The following PTPN23 variants were observed in gnomAD, a reference collection of about 807,000 sequenced individuals.
PTPN23 encodes the protein protein tyrosine phosphatase non-receptor type 23, also known as tyrosine-protein phosphatase non-receptor type 23.
Under a neutral mutation model 156.3 loss-of-function variants are expected in PTPN23, and 72 were observed. That is an observed-to-expected ratio of 0.46 (90% confidence interval 0.38 to 0.56). The LOEUF (loss-of-function observed/expected upper bound fraction) is 0.56, where lower values mean the gene tolerates loss of function less well. Among genes scored for constraint, PTPN23 ranks in the 20% least tolerant of loss-of-function variants. The probability of loss-of-function intolerance (pLI) is 0.00; values close to 1 mark genes in which losing one functional copy is unlikely to be tolerated. For synonymous variants in PTPN23, 957 were observed against 899.6 expected (o/e 1.06, Z -1.14); for missense variants, 1,974 against 2,171.5 (o/e 0.91, Z 1.81).
rs1470834078 is a variant in PTPN23 at position 47,410,713 on chromosome 3, C to G, written c.2915C>G (p.Pro972Arg). Residue 972 changes from proline (P) to arginine (R), a missense_variant, in exon 20 of 25, where the codon CCA (proline) becomes CGA (arginine). Coordinates refer to ENST00000265562, the MANE Select transcript of PTPN23 (RefSeq NM_015466.4). ...HPSQAFGPQP[P>R]QQPLPLQHPH... is the part of the protein sequence containing the mutation. ...TCACAAGCGTTTGGGCCTCAGCCCC[C>G]ACAGCAGCCCCTTCCACTCCAGCAT... 3.1e-6 allele frequency: 5 copies of G among 1,590,500 alleles called. No individual in the cohort carries two copies. The highest frequency in any genetic ancestry group is 4.3e-6 in the Non-Finnish European group (5 of 1,168,920).
intron 2 of PTPN23, among the ~76,000 whole-genome samples, chr3:47,400,784 G>A (rs1324934770): frequency 6.6e-6 from 1 of 152,180 alleles, no homozygotes; most frequent in Non-Finnish European, 1.5e-5. Flanking sequence ...ATGTTGGCCA[G>A]ACTGGTCTCA....
chr3:47,406,915 C>T lies in PTPN23; in HGVS notation c.807+165C>T, dbSNP rs774258002. Among the ~76,000 whole-genome samples, 6 of 152,144 alleles carry T rather than the reference C, an allele frequency of 3.9e-5. No homozygotes were observed. Among genetic ancestry groups the T allele is most frequent in the Non-Finnish European group, 7.4e-5 (5 of 68,020 alleles). On this transcript the variant is annotated intron_variant, in intron 9 of 24. Coordinates refer to ENST00000265562, the MANE Select transcript of PTPN23 (RefSeq NM_015466.4). This position sits in a 1 kb window ranked among gnomAD's most constrained non-coding sequence, Gnocchi z 5.8. ...AGTGTTGTCCCATCTGTGCAGCCCT[C>T]GTCCCTCGGGGTCTGAGGAGGTGGG...
At chr3:47,402,265 TTATC>T (rs1361074291) in intron 2 of PTPN23, among the ~76,000 whole-genome samples, 1 of 152,000 alleles carries the variant, frequency 6.6e-6, no homozygotes, top group Non-Finnish European at 1.5e-5. Context: ...GTATACATAT[TTATC>T]TATTTATTTA....
At position 47,410,717 on chromosome 3, in the gene PTPN23, G is replaced by A; in HGVS notation, c.2919G>A (p.Gln973=). Residue 973 remains glutamine, a synonymous_variant, in exon 20 of 25, where the codon CAG becomes CAA. Transcript: ENST00000265562. ...PSQAFGPQPP[Q]QPLPLQHPHL... is the part of the protein sequence containing the mutation. ...AAGCGTTTGGGCCTCAGCCCCCACA[G>A]CAGCCCCTTCCACTCCAGCATCCAC... 1.3e-6 allele frequency: 2 copies of A among 1,580,178 alleles called. No homozygotes were observed. Among genetic ancestry groups the A allele is most frequent in the Non-Finnish European group, 1.7e-6 (2 of 1,165,922 alleles).
rs1363741964 is a variant in PTPN23 at position 47,404,701 on chromosome 3, A to G, written c.209A>G (p.Lys70Arg). 1 of 1,613,964 alleles carries G rather than the reference A, an allele frequency of 6.2e-7. No homozygotes were observed. The highest frequency in any genetic ancestry group is 1.1e-5 in the South Asian group (1 of 91,078). The change falls in exon 3 of 25, where the codon AAG (lysine) becomes AGG (arginine). Residue 70 changes from lysine to arginine, a missense_variant. By Grantham distance (26) the Lys-to-Arg change is conservative. Coordinates refer to ENST00000265562, the MANE Select transcript of PTPN23 (RefSeq NM_015466.4). ...TTTGAGGGCTGTAGTGTCCTCCGCA[A>G]GTACCTCGGCCAGCTTCATTACCTG... ...RDFEGCSVLR[K>R]YLGQLHYLQS...
Position 47,412,960 on chromosome 3 carries a change from G to GCCAGTGCCTGAAGCCC in PTPN23, c.4691_4706dup (p.Ser1570AlafsTer2). 1 of 1,531,204 alleles carries GCCAGTGCCTGAAGCCC rather than the reference G, an allele frequency of 6.5e-7. No individual in the cohort carries two copies. The highest frequency in any genetic ancestry group is 8.8e-7 in the Non-Finnish European group (1 of 1,135,184). 94.9% of individuals were successfully genotyped at this position (1,531,204 alleles called of 1,614,324 possible). A position where few individuals can be genotyped will look rare whatever the true frequency, so the allele number is the denominator to read the frequency against. ...AGGCTCCCCAGCCTAAGGAGGAGCC[G>GCCAGTGCCTGAAGCCC]CCAGTGCCTGAAGCCCCCAGCTCGG... is the stretch of plus-strand genomic sequence containing the variant. On this transcript the variant is annotated frameshift_variant, in exon 25 of 25. Coordinates refer to ENST00000265562, the MANE Select transcript of PTPN23 (RefSeq NM_015466.4). LOFTEE classifies it high-confidence loss of function.
Position 47,405,437 on chromosome 3 carries a change from T to C in PTPN23, c.365-312T>C. ...GGCTGGCCTCAGCTTACCCTGCTAG[T>C]CAGCCTTAGCCTGGCTCAAGGGAGA... On this transcript the variant is annotated intron_variant, in intron 4 of 24. Coordinates refer to ENST00000265562, the MANE Select transcript of PTPN23 (RefSeq NM_015466.4). The surrounding 1 kb of genome is among the most constrained non-coding windows in gnomAD (Gnocchi z 4.7). 1 of 535,254 alleles carries C rather than the reference T, an allele frequency of 1.9e-6. No individual in the cohort carries two copies. Among genetic ancestry groups the C allele is most frequent in the Non-Finnish European group, 3.4e-6 (1 of 298,150 alleles). 33.2% of individuals were successfully genotyped at this position (535,254 alleles called of 1,614,324 possible).
intron 2 of PTPN23, among the ~76,000 whole-genome samples, chr3:47,403,676 C>T (rs1705053010): frequency 6.6e-6 from 1 of 152,032 alleles, no homozygotes; most frequent in African/African-American, 2.4e-5. Context: ...CCAAAGGCAC[C>T]ATCACGCCTA....
chr3:47,397,733 G>A (rs1022402930), intron 2 of PTPN23, among the ~76,000 whole-genome samples: 2 of 152,118 alleles, frequency 1.3e-5, no homozygotes, highest in South Asian at 2.1e-4. Flanking sequence ...GCAATGGCGC[G>A]ATCTCAGCTC....
chr3:47,407,672 A>G lies in PTPN23; in HGVS notation c.1004-25A>G. On this transcript the variant is annotated intron_variant, in intron 12 of 24. Transcript: ENST00000265562. This position sits in a 1 kb window ranked among gnomAD's most constrained non-coding sequence, Gnocchi z 4.0. The stretch of plus-strand genomic sequence containing the variant: ...GCCTCAAGGACTCTGCGTGGGCCTG[A>G]TCTCCACAATTCCCACCCCCCCAGG... 1 of 1,609,880 alleles carries G rather than the reference A, an allele frequency of 6.2e-7. No individual in the cohort carries two copies. The highest frequency in any genetic ancestry group is 8.5e-7 in the Non-Finnish European group (1 of 1,176,414).
chr3:47,390,164 G>A (rs1704742085), intron 1 of PTPN23, among the ~76,000 whole-genome samples: 1 of 151,986 alleles, frequency 6.6e-6, no homozygotes, highest in Non-Finnish European at 1.5e-5. Context: ...ATCACTTGGA[G>A]TTTGAAGCTT....
chr3:47,410,188 C>T lies in PTPN23; in HGVS notation c.2390C>T (p.Ser797Leu), dbSNP rs137987776. 2.5e-5 allele frequency: 40 copies of T among 1,603,652 alleles called. No homozygotes were observed. The East Asian group carries it at 2.7e-4, about 11-fold the overall frequency. Residue 797 changes from serine (S) to leucine (L), a missense_variant, in exon 20 of 25, where the codon TCG (serine) becomes TTG (leucine). By Grantham distance (145) the Ser-to-Leu change is moderately radical. This residue lies in a region of PTPN23 where 731 missense variants were observed against 669.1 expected (regional missense o/e 1.09). Transcript: ENST00000265562. The stretch of plus-strand genomic sequence containing the variant: ...GGCCCCTTGCCCCCTGGTACCTACT[C>T]GGGCCCCACCCAGCTGATACAGCCC... ...LSGPLPPGTY[S>L]GPTQLIQPRA...
At position 47,410,718 on chromosome 3, in the gene PTPN23, C is replaced by A; in HGVS notation, c.2920C>A (p.Gln974Lys). 1 of 1,584,882 alleles carries A rather than the reference C, an allele frequency of 6.3e-7. No individual in the cohort carries two copies. The highest frequency in any genetic ancestry group is 8.6e-7 in the Non-Finnish European group (1 of 1,165,970). Reference protein sequence around the residue: ...SQAFGPQPPQQPLPLQHPHLF... With the variant: ...SQAFGPQPPQKPLPLQHPHLF... ...AGCGTTTGGGCCTCAGCCCCCACAG[C>A]AGCCCCTTCCACTCCAGCATCCACA... The change falls in exon 20 of 25, where the codon CAG (glutamine) becomes AAG (lysine). Residue 974 changes from glutamine to lysine, a missense_variant. Coordinates refer to ENST00000265562, the MANE Select transcript of PTPN23 (RefSeq NM_015466.4).
chr3:47,396,237 T>G lies in PTPN23; in HGVS notation c.159+20T>G. On this transcript the variant is annotated intron_variant, in intron 2 of 24. Coordinates refer to ENST00000265562, the MANE Select transcript of PTPN23 (RefSeq NM_015466.4). ...AGACAGGTAGGAGGATAGTATTATC[T>G]TTTTATGCATGGGTAGACAGGATTG... 1 of 1,585,060 alleles carries G rather than the reference T, an allele frequency of 6.3e-7. No homozygotes were observed. Among genetic ancestry groups the G allele is most frequent in the Non-Finnish European group, 8.7e-7 (1 of 1,156,020 alleles).
chr3:47,404,076 A>G (rs1705062332), intron 2 of PTPN23, among the ~76,000 whole-genome samples: 1 of 152,166 alleles, frequency 6.6e-6, no homozygotes, highest in Non-Finnish European at 1.5e-5. Flanking sequence ...ATTAAATTCA[A>G]AAAACTGTGG....
Position 47,409,531 on chromosome 3 carries a change from G to A in PTPN23, c.1912G>A (p.Ala638Thr), listed in dbSNP as rs749720447. The change falls in exon 18 of 25, where the codon GCA becomes ACA. Residue 638 changes from alanine (A) to threonine (T), a missense_variant. Coordinates refer to ENST00000265562, the MANE Select transcript of PTPN23 (RefSeq NM_015466.4). ...ACTGACAGAGGCCAACGTGCAGTAC[G>A]CAGCCGTGCGGCGGGTACTCAGCGA... Reference protein sequence around the residue: ...CALTEANVQYAAVRRVLSDLD... With the variant: ...CALTEANVQYTAVRRVLSDLD... The A allele has an allele frequency of 3.1e-6, 5 of 1,614,002 alleles. No homozygotes were observed. The highest frequency in any genetic ancestry group is 2.2e-5 in the East Asian group (1 of 44,880).
Position 47,406,796 on chromosome 3 carries a change from G to T in PTPN23, c.807+46G>T. 6.2e-7 allele frequency: 1 copy of T among 1,609,870 alleles called. No homozygotes were observed. On this transcript the variant is annotated intron_variant, in intron 9 of 24. Transcript: ENST00000265562. This position sits in a 1 kb window ranked among gnomAD's most constrained non-coding sequence, Gnocchi z 5.8. ...GACTGGGGACCAATGGCAGCCTTCA[G>T]TGAGATGCCGGTGTGCTCCCGCTCC...
At chr3:47,393,511 A>ATAGG (rs1185396458) in intron 1 of PTPN23, among the ~76,000 whole-genome samples, 3 of 152,292 alleles carry the variant, frequency 2.0e-5, no homozygotes, top group African/African-American at 7.2e-5. Context: ...AGATAGATAG[A>ATAGG]TAGAGAGAGA....
intron 2 of PTPN23, among the ~76,000 whole-genome samples, chr3:47,399,420 T>C (rs1326742850): frequency 6.6e-6 from 1 of 152,194 alleles, no homozygotes; most frequent in Non-Finnish European, 1.5e-5. Context: ...TTATGCTGTC[T>C]TCTCAGAACC....
Sources: allele counts gnomAD v4.1 joint callset (sites outside exome capture counted in the v4.1 genomes callset), GRCh38; gene constraint gnomAD v4.1.1; regional missense constraint gnomAD v4.1.1; non-coding constraint Gnocchi (gnomAD v3.1); transcripts MANE v1.5; gene names NCBI Gene and HGNC (gene_info 2026-07-23, HGNC 2026-07-21).